PIP5K1B: variants seen among roughly 807,000 people sequenced by gnomAD.
The protein encoded by PIP5K1B is phosphatidylinositol 4-phosphate 5-kinase type-1 beta.
PIP5K1B carries 42 observed loss-of-function variants against 67.0 expected under a neutral mutation model. That is an observed-to-expected ratio of 0.63 (90% confidence interval 0.49 to 0.81). PIP5K1B has a LOEUF of 0.81. PIP5K1B is among the 30% of genes least tolerant of loss of function. The probability of loss-of-function intolerance (pLI) is 0.00; values close to 1 mark genes in which losing one functional copy is unlikely to be tolerated. For synonymous variants in PIP5K1B, 214 were observed against 231.4 expected, an observed-to-expected ratio of 0.92 and a Z score of 0.68; for missense variants, 459 against 646.3, an observed-to-expected ratio of 0.71 and a Z score of 3.14.
At chr9:68,851,530 C>A (rs191504576) in intron 4 of PIP5K1B, among the ~76,000 whole-genome samples, 1 of 152,156 alleles carries the variant, frequency 6.6e-6, no homozygotes, top group African/African-American at 2.4e-5. Context: ...CCAAAAGTCA[C>A]GTATGAAATG....
chr9:68,879,208 A>T (rs1824049833), intron 6 of PIP5K1B, among the ~76,000 whole-genome samples: 1 of 152,232 alleles, frequency 6.6e-6, no homozygotes, highest in Admixed American at 6.5e-5. Context: ...ATATCTATGG[A>T]TGAAATGGTT....
chr9:68,954,865 C>T (rs963314932), intron 14 of PIP5K1B, among the ~76,000 whole-genome samples: 1 of 152,214 alleles, frequency 6.6e-6, no homozygotes, highest in African/African-American at 2.4e-5. Context: ...GGGGCAGGTC[C>T]ATGGTCAAGT....
At chr9:68,972,411 C>T (rs768997189) in intron 14 of PIP5K1B, among the ~76,000 whole-genome samples, 2 of 152,080 alleles carry the variant, frequency 1.3e-5, no homozygotes, top group Admixed American at 6.6e-5. Flanking sequence ...GCGATCGAGG[C>T]GGGTGGATCA....
intron 1 of PIP5K1B, among the ~76,000 whole-genome samples, chr9:68,721,910 T>C (rs1254507594): frequency 6.6e-6 from 1 of 152,194 alleles, no homozygotes; most frequent in African/African-American, 2.4e-5. Flanking sequence ...TCCGTTGTTT[T>C]CTTTTCTCTG....
intron 8 of PIP5K1B, among the ~76,000 whole-genome samples, chr9:68,899,879 C>G (rs988627435): frequency 1.3e-5 from 2 of 152,108 alleles, no homozygotes; most frequent in African/African-American, 4.8e-5. Context: ...AGCATAGTAC[C>G]TAATAGGTAA....
intron 12 of PIP5K1B, among the ~76,000 whole-genome samples, chr9:68,931,091 A>G (rs1826971665): frequency 6.6e-6 from 1 of 152,090 alleles, no homozygotes; most frequent in Non-Finnish European, 1.5e-5. Context: ...AGTGTTTTTT[A>G]ACCTTTTTAA....
chr9:68,732,317 C>T (rs762959215), intron 1 of PIP5K1B, among the ~76,000 whole-genome samples: 4 of 152,216 alleles, frequency 2.6e-5, no homozygotes, highest in Non-Finnish European at 5.9e-5. Context: ...ATTCCCTTTA[C>T]TCCAAAGTCT....
chr9:68,968,702 T>C (rs1254183783), intron 14 of PIP5K1B, among the ~76,000 whole-genome samples: 1 of 139,534 alleles, frequency 7.2e-6, no homozygotes, highest in East Asian at 2.4e-4. Flanking sequence ...CTTGTTTATA[T>C]ATATATATAT....
intron 4 of PIP5K1B, among the ~76,000 whole-genome samples, chr9:68,827,095 C>T (rs903129988): frequency 7.2e-5 from 11 of 152,136 alleles, no homozygotes; most frequent in African/African-American, 2.4e-4. Context: ...GATTTACCTA[C>T]GTGTTTGTCT....
At chr9:68,917,507 C>A in intron 8 of PIP5K1B, 41 bp from the exon 9 acceptor site, 1 of 1,421,986 alleles carries the variant, frequency 7.0e-7, no homozygotes, top group Non-Finnish European at 9.9e-7. Context: ...GACGAACAGG[C>A]CTTTGGGTTG....
Position 68,746,383 on chromosome 9 carries a change from T to A in PIP5K1B, c.-86+3726T>A, listed in dbSNP as rs529084363. ...CAAACAGATTCTTAGTTATATGGCA[T>A]GCACAGAGTTTTGGAAGTACTGAGA... On this transcript the variant is annotated intron_variant, in intron 2 of 15. Transcript: ENST00000265382. Among the ~76,000 whole-genome samples, 4 of 152,328 alleles carry A rather than the reference T, an allele frequency of 2.6e-5. No homozygotes were observed. In the East Asian group the frequency reaches 7.7e-4, roughly 29 times the overall value.
chr9:68,990,223 C>T (rs1182897701), intron 14 of PIP5K1B, among the ~76,000 whole-genome samples: 1 of 152,104 alleles, frequency 6.6e-6, no homozygotes, highest in African/African-American at 2.4e-5. Context: ...GTCCTTGAAC[C>T]AGCAGCGTTA....
intron 14 of PIP5K1B, chr9:68,966,407 T>C (rs554241454): frequency 6.6e-6 from 1 of 152,302 alleles, no homozygotes; most frequent in East Asian, 1.9e-4. Context: ...ACATTATCAA[T>C]GATAAGTCAT....
chr9:68,844,209 A>G lies in PIP5K1B; in HGVS notation c.70-19628A>G, dbSNP rs547863697. On this transcript the variant is annotated intron_variant, in intron 4 of 15. Coordinates refer to ENST00000265382, the MANE Select transcript of PIP5K1B (RefSeq NM_003558.4). The stretch of plus-strand genomic sequence containing the variant: ...GATCTTCATTCATTCAATATCATCT[A>G]CTCAGTCATTCAGCCAACACTGAGT... Among the ~76,000 whole-genome samples the G allele has an allele frequency of 3.2e-4, 49 of 152,292 alleles. 1 individual carries two copies. The South Asian group carries it at 0.01, about 32-fold the overall frequency.
At position 68,730,362 on chromosome 9, in the gene PIP5K1B, A is replaced by G. The variant is rs543401389; in HGVS notation, c.-242-12139A>G. On this transcript the variant is annotated intron_variant, in intron 1 of 15. Coordinates refer to ENST00000265382, the MANE Select transcript of PIP5K1B (RefSeq NM_003558.4). The stretch of plus-strand genomic sequence containing the variant: ...ACGAACAGCCAGGAAATGGGATGCC[A>G]ATGAGGGTCTACTCTATGCTTCCAA... 4.2e-4 allele frequency among the ~76,000 whole-genome samples: 64 copies of G among 152,316 alleles called. 1 individual carries two copies. Among genetic ancestry groups the G allele is most frequent in the African/African-American group, 1.4e-3 (58 of 41,570 alleles).
At chr9:69,004,097 A>G (rs1830948735) in intron 15 of PIP5K1B, among the ~76,000 whole-genome samples, 1 of 152,230 alleles carries the variant, frequency 6.6e-6, no homozygotes, top group African/African-American at 2.4e-5. Context: ...TCATAGAATC[A>G]AGCATTTTAT....
chr9:68,949,564 T>G (rs1276832849), intron 14 of PIP5K1B, among the ~76,000 whole-genome samples: 9 of 152,234 alleles, frequency 5.9e-5, no homozygotes, highest in Non-Finnish European at 1.2e-4. Flanking sequence ...TGTTTTCAGA[T>G]TCTAGTAAGG....
rs141842817 is a variant in PIP5K1B at position 69,007,350 on chromosome 9, C to A, written c.1621-1097C>A. ...TGACCCCCAGCTCCAACCTTCTTCA[C>A]TACAATTTTGGGGGTACTAGCACAT... On this transcript the variant is annotated intron_variant, in intron 15 of 15. Transcript: ENST00000265382. Among the ~76,000 whole-genome samples the A allele has an allele frequency of 7.9e-4, 121 of 152,296 alleles. 1 individual carries two copies. In the East Asian group the frequency reaches 0.019, roughly 24 times the overall value.
intron 14 of PIP5K1B, among the ~76,000 whole-genome samples, chr9:68,971,743 G>A (rs764743585): frequency 3.9e-5 from 6 of 152,292 alleles, no homozygotes; most frequent in African/African-American, 1.2e-4. Flanking sequence ...CTCTAATGAC[G>A]TGATGATGAG....
Sources: allele counts gnomAD v4.1 joint callset (sites outside exome capture counted in the v4.1 genomes callset), GRCh38; gene constraint gnomAD v4.1.1; transcripts MANE v1.5; gene names NCBI Gene and HGNC (gene_info 2026-07-23, HGNC 2026-07-21).